The following DLG2 variants were observed in gnomAD, a reference collection of about 807,000 sequenced individuals.
DLG2 encodes disks large homolog 2.
A neutral mutation model predicts 132.5 loss-of-function variants in DLG2; 45 were observed. The ratio of observed to expected loss-of-function variants is 0.34; its 90% CI spans 0.27 to 0.44. The LOEUF is 0.44. DLG2 is among the 20% of genes least tolerant of loss of function. The pLI, the probability that DLG2 is intolerant of heterozygous loss-of-function variation, is 1.00. For synonymous variants in DLG2, 424 were observed against 419.6 expected (o/e 1.01, Z -0.13); for missense variants, 1,045 against 1,196.9 (o/e 0.87, Z 1.87).
intron 7 of DLG2, among the ~76,000 whole-genome samples, chr11:84,434,881 T>C (rs1183419308): frequency 6.7e-6 from 1 of 150,022 alleles, no homozygotes; most frequent in Non-Finnish European, 1.5e-5. Context: ...GTTCAGGTTG[T>C]TTTATTAGAG....
chr11:84,778,185 T>C (rs1370877525), intron 6 of DLG2, among the ~76,000 whole-genome samples: 1 of 152,186 alleles, frequency 6.6e-6, no homozygotes, highest in Non-Finnish European at 1.5e-5. Flanking sequence ...AATCCGATTT[T>C]CCCAGTACCA....
intron 6 of DLG2, among the ~76,000 whole-genome samples, chr11:85,104,753 C>CA (rs529977996): frequency 2.6e-4 from 39 of 148,136 alleles, no homozygotes; most frequent in African/African-American, 7.7e-4. Context: ...GATTGAAAAA[C>CA]AAAAAAACTG....
At chr11:84,119,359 C>A (rs1436064451) in intron 9 of DLG2, among the ~76,000 whole-genome samples, 2 of 151,968 alleles carry the variant, frequency 1.3e-5, no homozygotes, top group African/African-American at 4.8e-5. Context: ...ATTTTAACCA[C>A]CACGGCAAAG....
At chr11:84,117,413 GACTTGGTTTTCT>G (rs1327049072) in intron 9 of DLG2, among the ~76,000 whole-genome samples, 1 of 152,176 alleles carries the variant, frequency 6.6e-6, no homozygotes, top group Non-Finnish European at 1.5e-5. Context: ...CTAAGTGGGA[GACTTGGTTTTCT>G]ACTTGGGTCT....
At chr11:85,495,413 C>T (rs2093647732) in intron 3 of DLG2, among the ~76,000 whole-genome samples, 1 of 151,966 alleles carries the variant, frequency 6.6e-6, no homozygotes, top group African/African-American at 2.4e-5. Flanking sequence ...CTAGACTCTA[C>T]AAGGAACTTA....
chr11:83,614,599 G>C (rs1374247013), intron 19 of DLG2, among the ~76,000 whole-genome samples: 1 of 152,000 alleles, frequency 6.6e-6, no homozygotes, highest in Non-Finnish European at 1.5e-5. Context: ...CATACCTGTA[G>C]TTGCAGCTAG....
intron 6 of DLG2, among the ~76,000 whole-genome samples, chr11:84,951,757 T>G (rs2050959654): frequency 6.6e-6 from 1 of 151,646 alleles, no homozygotes; most frequent in Admixed American, 6.6e-5. Context: ...TTAGTTTGCA[T>G]ATCCAGGGCC....
chr11:85,344,367 T>C (rs1173253326), intron 3 of DLG2, among the ~76,000 whole-genome samples: 1 of 152,162 alleles, frequency 6.6e-6, no homozygotes, highest in Non-Finnish European at 1.5e-5. Flanking sequence ...ACTCGAGGCT[T>C]AGTTTTGTTA....
At chr11:84,261,237 C>T (rs1483761624) in intron 7 of DLG2, among the ~76,000 whole-genome samples, 2 of 152,264 alleles carry the variant, frequency 1.3e-5, no homozygotes, top group East Asian at 3.9e-4. Flanking sequence ...AGTTTCCATC[C>T]TTCTTCTCTC....
At chr11:83,627,946 G>A (rs551208387) in intron 19 of DLG2, among the ~76,000 whole-genome samples, 2 of 152,262 alleles carry the variant, frequency 1.3e-5, no homozygotes, top group African/African-American at 4.8e-5. Flanking sequence ...GTTTTGATTT[G>A]CATTTCTCTG....
intron 3 of DLG2, among the ~76,000 whole-genome samples, chr11:85,383,652 A>G (rs192979784): frequency 6.6e-6 from 1 of 152,192 alleles, no homozygotes; most frequent in Admixed American, 6.5e-5. Flanking sequence ...GGCATAACCT[A>G]TTTCAATATT....
chr11:83,667,132 G>C (rs2075773808), intron 18 of DLG2, among the ~76,000 whole-genome samples: 1 of 152,078 alleles, frequency 6.6e-6, no homozygotes, highest in African/African-American at 2.4e-5. Flanking sequence ...ATGAATAAAG[G>C]ATATTTATTT....
chr11:85,412,563 T>C (rs972987004), intron 3 of DLG2, among the ~76,000 whole-genome samples: 1 of 151,676 alleles, frequency 6.6e-6, no homozygotes, highest in Non-Finnish European at 1.5e-5. Flanking sequence ...TGTGTTATTC[T>C]AATGCCTTTG....
intron 14 of DLG2, among the ~76,000 whole-genome samples, chr11:83,939,627 G>A (rs1452911931): frequency 6.6e-6 from 1 of 152,000 alleles, no homozygotes; most frequent in African/African-American, 2.4e-5. Context: ...TTCTTTCCTC[G>A]GAGGCTCGAG....
chr11:84,540,210 C>A (rs1181625014), intron 6 of DLG2, among the ~76,000 whole-genome samples: 1 of 151,962 alleles, frequency 6.6e-6, no homozygotes, highest in African/African-American at 2.4e-5. Flanking sequence ...TTAAACTAAA[C>A]AGCTCCTGCA....
chr11:83,980,813 G>T (rs1037617474), intron 11 of DLG2, among the ~76,000 whole-genome samples, 171 bp from the exon 12 acceptor site: 1 of 152,162 alleles, frequency 6.6e-6, no homozygotes, highest in Non-Finnish European at 1.5e-5. Flanking sequence ...AATATTTGAA[G>T]AATTGTTAAT....
chr11:85,263,280 G>C (rs2077037627), intron 4 of DLG2, among the ~76,000 whole-genome samples: 2 of 152,206 alleles, frequency 1.3e-5, no homozygotes. Context: ...AATGCTGTTT[G>C]AGATCACCTG....
chr11:84,013,398 G>T (rs1250224807), intron 11 of DLG2, among the ~76,000 whole-genome samples: 1 of 152,108 alleles, frequency 6.6e-6, no homozygotes, highest in Non-Finnish European at 1.5e-5. Context: ...TCATGGTCTA[G>T]AATGGAAAAA....
At chr11:85,613,934 C>T (rs1232115377) in intron 2 of DLG2, among the ~76,000 whole-genome samples, 4 of 152,222 alleles carry the variant, frequency 2.6e-5, no homozygotes, top group African/African-American at 4.8e-5. Flanking sequence ...CACAAACCCA[C>T]CAGGAGGAAT....
Sources: gnomAD v4.1 joint callset for allele counts (sites outside exome capture counted in the v4.1 genomes callset) on GRCh38, gnomAD v4.1.1 for gene constraint, MANE v1.5 for transcripts, NCBI Gene and HGNC (gene_info 2026-07-23, HGNC 2026-07-21) for gene names.